The following TMEM232 variants were observed in gnomAD, a reference collection of about 807,000 sequenced individuals.
TMEM232 encodes the protein transmembrane protein 232.
A neutral mutation model predicts 78.8 loss-of-function variants in TMEM232; 80 were observed. That is an observed-to-expected ratio of 1.01 (90% CI 0.85 to 1.22). The LOEUF is 1.22. TMEM232 is among the 50% of genes most tolerant of loss of function. The pLI, the probability that TMEM232 is intolerant of heterozygous loss-of-function variation, is 0.00. For missense variants in TMEM232, 881 were observed against 742.2 expected, an observed-to-expected ratio of 1.19 and a Z score of -2.17; for synonymous variants, 297 against 254.3, an observed-to-expected ratio of 1.17 and a Z score of -1.60.
intron 12 of TMEM232, among the ~76,000 whole-genome samples, chr5:110,425,504 A>G (rs924447120): frequency 5.3e-5 from 8 of 152,130 alleles, no homozygotes; most frequent in Non-Finnish European, 1.0e-4. Context: ...CTTAGGGAAG[A>G]GCCTAAAAAG....
intron 1 of TMEM232, among the ~76,000 whole-genome samples, chr5:110,673,413 C>G (rs1436025250): frequency 6.6e-6 from 1 of 151,754 alleles, no homozygotes. Context: ...TGTAACAAAC[C>G]TGCATGTTGT....
intron 11 of TMEM232, among the ~76,000 whole-genome samples, chr5:110,567,512 A>G (rs2149680963): frequency 6.6e-6 from 1 of 151,936 alleles, no homozygotes; most frequent in South Asian, 2.1e-4. Flanking sequence ...TATTACCAAA[A>G]TTATAAAAAT....
chr5:110,392,014 G>C (rs976700925), intron 3 of TMEM232, among the ~76,000 whole-genome samples: 1 of 152,136 alleles, frequency 6.6e-6, no homozygotes, highest in African/African-American at 2.4e-5. Context: ...ACCCTAACTA[G>C]AGAAATGGAG....
intron 1 of TMEM232, among the ~76,000 whole-genome samples, chr5:110,707,622 G>A (rs1006676703): frequency 6.6e-6 from 1 of 152,188 alleles, no homozygotes; most frequent in South Asian, 2.1e-4. Flanking sequence ...ACTAGTGTTG[G>A]GTTGGACTCA....
rs536359525 is a variant in TMEM232 at position 110,408,747 on chromosome 5, C to T, written n.309-10893G>A. On this transcript the variant is annotated intron_variant and non_coding_transcript_variant, in intron 2 of 8. Coordinates refer to the TMEM232 transcript ENST00000507188. ...CAGGAGTAAAAAAGGAGACAACAACCGAGAACACTGAAATACAGTGAGTCA... is the reference window on the plus strand; with the variant it reads ...CAGGAGTAAAAAAGGAGACAACAACTGAGAACACTGAAATACAGTGAGTCA... Among the ~76,000 whole-genome samples, 17 of 151,944 alleles carry T rather than the reference C, an allele frequency of 1.1e-4. 1 individual carries two copies. In the South Asian group the frequency reaches 2.9e-3, roughly 26 times the overall value.
intron 12 of TMEM232, among the ~76,000 whole-genome samples, chr5:110,489,913 C>G (rs1764850132): frequency 6.6e-6 from 1 of 151,850 alleles, no homozygotes; most frequent in African/African-American, 2.4e-5. Flanking sequence ...ATCACAAGGT[C>G]AAGAGATTGA....
chr5:110,588,596 A>G (rs993559786), intron 10 of TMEM232, among the ~76,000 whole-genome samples: 1 of 152,128 alleles, frequency 6.6e-6, no homozygotes, highest in Non-Finnish European at 1.5e-5. Flanking sequence ...AAGGACTAGA[A>G]CGCGAGAAAA....
chr5:110,441,329 TAACATA>T (rs1182330848), intron 12 of TMEM232, among the ~76,000 whole-genome samples: 1 of 152,162 alleles, frequency 6.6e-6, no homozygotes, highest in East Asian at 1.9e-4. Context: ...AGCACTACCC[TAACATA>T]ATTGCAAGGA....
At chr5:110,633,567 GT>G (rs530078727) in intron 5 of TMEM232, among the ~76,000 whole-genome samples, 56 of 152,230 alleles carry the variant, frequency 3.7e-4, no homozygotes, top group Non-Finnish European at 4.4e-4. Flanking sequence ...GTGATAATGA[GT>G]GAGTTCTCAT....
intron 2 of TMEM232, among the ~76,000 whole-genome samples, chr5:110,657,192 G>C (rs1789192696): frequency 6.6e-6 from 1 of 152,128 alleles, no homozygotes; most frequent in African/African-American, 2.4e-5. Context: ...CACTATGGAG[G>C]TTCCTCAAAA....
rs545128059 is a variant in TMEM232 at position 110,645,462 on chromosome 5, A to C, written c.126-3091T>G. Reference sequence around the variant, plus strand: ...GTGTAATATACCATATTACCAAAAAAAAAAAAAAGGTCAACTCAACAGAGA... The same window carrying C: ...GTGTAATATACCATATTACCAAAAACAAAAAAAAGGTCAACTCAACAGAGA... On this transcript the variant is annotated intron_variant, in intron 2 of 13. Transcript: ENST00000455884. Among the ~76,000 whole-genome samples, 3 of 151,566 alleles carry C rather than the reference A, an allele frequency of 2.0e-5. No homozygotes were observed. The South Asian group carries it at 6.2e-4, about 31-fold the overall frequency.
chr5:110,557,110 T>C (rs986677835), intron 11 of TMEM232, among the ~76,000 whole-genome samples: 1 of 152,190 alleles, frequency 6.6e-6, no homozygotes, highest in Admixed American at 6.5e-5. Flanking sequence ...CTGAGTTGAC[T>C]TGAAGAACTC....
At chr5:110,509,092 TACAC>T (rs1235712150) in intron 12 of TMEM232, among the ~76,000 whole-genome samples, 1 of 148,226 alleles carries the variant, frequency 6.7e-6, no homozygotes, top group African/African-American at 2.5e-5. Flanking sequence ...TATATATGTA[TACAC>T]ACACATATAT....
downstream of TMEM232, among the ~76,000 whole-genome samples, chr5:110,419,249 G>T (rs550847463): frequency 6.6e-6 from 1 of 151,950 alleles, no homozygotes; most frequent in Non-Finnish European, 1.5e-5. Context: ...ATATTTCTAG[G>T]AACTTGCATA....
rs540480976 is a variant in TMEM232, at chr5:110,637,381, T to A, written c.501+817A>T. Among the ~76,000 whole-genome samples the A allele has an allele frequency of 4.0e-5, 6 of 151,836 alleles. No homozygotes were observed. In the South Asian group the frequency reaches 1.0e-3, roughly 26 times the overall value. On this transcript the variant is annotated intron_variant, in intron 5 of 13. Transcript: ENST00000455884. ...CACAAGTCTTTTACTACCAAATGTG[T>A]CAGAGAGCATCTAAGCTTGATTTAC... is the stretch of plus-strand genomic sequence containing the variant.
At chr5:110,616,834 G>T (rs191545979) in intron 8 of TMEM232, among the ~76,000 whole-genome samples, 1 of 152,176 alleles carries the variant, frequency 6.6e-6, no homozygotes, top group East Asian at 1.9e-4. Context: ...TCAGAAAAGG[G>T]AATCCTTTTA....
chr5:110,412,426 A>C (rs1158718155), intron 2 of TMEM232, among the ~76,000 whole-genome samples: 1 of 152,172 alleles, frequency 6.6e-6, no homozygotes. Context: ...GCATTCTGAG[A>C]GCTCCATCAT....
chr5:110,592,850 C>T (rs974414173), intron 10 of TMEM232, among the ~76,000 whole-genome samples: 3 of 152,074 alleles, frequency 2.0e-5, no homozygotes, highest in South Asian at 2.1e-4. Context: ...CTCTTTGATT[C>T]GTAACATTGT....
At chr5:110,405,800 C>T (rs988774198) in intron 2 of TMEM232, among the ~76,000 whole-genome samples, 7 of 147,934 alleles carry the variant, frequency 4.7e-5, no homozygotes, top group Non-Finnish European at 7.4e-5. Flanking sequence ...AAGTTTAGCA[C>T]GCTTGTATTT....
Sources: gnomAD v4.1 joint callset for allele counts (sites outside exome capture counted in the v4.1 genomes callset) on GRCh38, gnomAD v4.1.1 for gene constraint, MANE v1.5 for transcripts, NCBI Gene and HGNC (gene_info 2026-07-23, HGNC 2026-07-21) for gene names.